The following TGFBRAP1 variants were observed in gnomAD, a reference collection of about 807,000 sequenced individuals.
TGFBRAP1 encodes transforming growth factor beta receptor associated protein 1.
TGFBRAP1 carries 20 observed loss-of-function variants against 83.2 expected under a neutral mutation model. The ratio of observed to expected loss-of-function variants is 0.24; its 90% CI spans 0.17 to 0.35. The LOEUF is 0.35. TGFBRAP1 is among the 10% of genes least tolerant of loss of function. TGFBRAP1 has a pLI of 1.00. For missense variants in TGFBRAP1, 950 were observed against 1,099.4 expected, an observed-to-expected ratio of 0.86 and a Z score of 1.92; for synonymous variants, 415 against 459.8, an observed-to-expected ratio of 0.90 and a Z score of 1.25.
At chr2:105,311,750 C>A (rs149487186) in intron 1 of TGFBRAP1, among the ~76,000 whole-genome samples, 2,800 of 151,098 alleles carry the variant, frequency 0.019, 86 homozygotes, top group African/African-American at 0.064. Context: ...AATACACACA[C>A]AAAAAAAAGT....
chr2:105,260,332 C>T (rs1050163971), downstream of TGFBRAP1, among the ~76,000 whole-genome samples: 1 of 152,162 alleles, frequency 6.6e-6, no homozygotes. Context: ...TCCCTTGAAC[C>T]CGGGAGGCGG....
At chr2:105,295,809 C>CAAAAAA (rs368369527) in intron 4 of TGFBRAP1, among the ~76,000 whole-genome samples, 3 of 74,964 alleles carry the variant, frequency 4.0e-5, no homozygotes, top group African/African-American at 5.4e-5. Flanking sequence ...GACTCCATCT[C>CAAAAAA]AAAAAAAAAA....
intron 4 of TGFBRAP1, among the ~76,000 whole-genome samples, chr2:105,285,582 G>A (rs1471636467): frequency 1.3e-5 from 2 of 152,174 alleles, no homozygotes; most frequent in Admixed American, 1.3e-4. Context: ...ACCCACTGAA[G>A]GTACAACAGA....
At chr2:105,282,437 C>A (rs115930374) in intron 5 of TGFBRAP1, among the ~76,000 whole-genome samples, 3 of 152,090 alleles carry the variant, frequency 2.0e-5, no homozygotes, top group Non-Finnish European at 4.4e-5. Context: ...TCCAGTTCAA[C>A]GAGGAAAAGA....
chr2:105,321,943 C>T (rs922747650), intron 1 of TGFBRAP1, among the ~76,000 whole-genome samples: 4 of 152,146 alleles, frequency 2.6e-5, no homozygotes, highest in Non-Finnish European at 5.9e-5. Flanking sequence ...TATTTTAGAG[C>T]GTACACCTAC....
chr2:105,258,359 T>A, the TGFBRAP1 span, among the ~76,000 whole-genome samples: 2 of 152,148 alleles, frequency 1.3e-5, no homozygotes, highest in Admixed American at 6.5e-5. Context: ...CCAGATGAGA[T>A]TAGCTTTGGG....
At chr2:105,250,571 TC>T in the TGFBRAP1 span, among the ~76,000 whole-genome samples, 2 of 91,202 alleles carry the variant, frequency 2.2e-5, no homozygotes, top group Middle Eastern at 9.6e-3. Flanking sequence ...AGGCTCCTCC[TC>T]TCCCTCTCCC....
intron 1 of TGFBRAP1, among the ~76,000 whole-genome samples, chr2:105,327,685 T>C (rs1214333178): frequency 6.6e-6 from 1 of 152,206 alleles, no homozygotes; most frequent in Non-Finnish European, 1.5e-5. Flanking sequence ...AAATGAAGAA[T>C]GGGCCCTTTA....
chr2:105,286,887 A>AT (rs1677735953), intron 4 of TGFBRAP1, among the ~76,000 whole-genome samples: 1 of 152,240 alleles, frequency 6.6e-6, no homozygotes, highest in African/African-American at 2.4e-5. Flanking sequence ...CAAGTTAAAC[A>AT]TAACACAAGC....
intron 5 of TGFBRAP1, among the ~76,000 whole-genome samples, chr2:105,283,975 A>C (rs1677628572): frequency 6.6e-6 from 1 of 151,824 alleles, no homozygotes; most frequent in South Asian, 2.1e-4. Context: ...AGCAAGAATG[A>C]ACCAAAGCAC....
At chr2:105,264,069 T>C (rs1222060811), downstream of TGFBRAP1, among the ~76,000 whole-genome samples, 2 of 152,174 alleles carry the variant, frequency 1.3e-5, no homozygotes, top group Non-Finnish European at 2.9e-5. Flanking sequence ...AAAGGTACGA[T>C]TTTGTAAGAG....
At chr2:105,322,186 AAAAG>A (rs1233569406) in intron 1 of TGFBRAP1, among the ~76,000 whole-genome samples, 5 of 152,232 alleles carry the variant, frequency 3.3e-5, no homozygotes, top group Admixed American at 6.5e-5. Flanking sequence ...TAAAGAAAAA[AAAAG>A]AAAGAAAAAA....
intron 2 of TGFBRAP1, among the ~76,000 whole-genome samples, chr2:105,304,099 G>C (rs557322843): frequency 6.6e-6 from 1 of 152,238 alleles, no homozygotes. Flanking sequence ...TATGCTAATA[G>C]GGGAAATATG....
At chr2:105,317,391 C>T (rs988033431) in intron 1 of TGFBRAP1, among the ~76,000 whole-genome samples, 2 of 150,618 alleles carry the variant, frequency 1.3e-5, no homozygotes, top group East Asian at 2.0e-4. Flanking sequence ...GAGCCAAGAT[C>T]GTGCCACTGC....
At chr2:105,250,213 C>A in the TGFBRAP1 span, among the ~76,000 whole-genome samples, 2 of 152,144 alleles carry the variant, frequency 1.3e-5, no homozygotes, top group Non-Finnish European at 2.9e-5. Context: ...TTAGATGAGA[C>A]CAGAACTTTA....
At chr2:105,297,589 C>T (rs1678130051) in intron 3 of TGFBRAP1, among the ~76,000 whole-genome samples, 1 of 152,200 alleles carries the variant, frequency 6.6e-6, no homozygotes. Flanking sequence ...CCTTAAGTGG[C>T]AAATGCGATG....
At chr2:105,277,252 T>C (rs1367390975) in intron 7 of TGFBRAP1, among the ~76,000 whole-genome samples, 1 of 152,242 alleles carries the variant, frequency 6.6e-6, no homozygotes, top group African/African-American at 2.4e-5. Context: ...TTGGCAACAG[T>C]GATCATCACT....
At chr2:105,276,986 C>T (rs530474672) in intron 7 of TGFBRAP1, among the ~76,000 whole-genome samples, 11 of 152,256 alleles carry the variant, frequency 7.2e-5, no homozygotes, top group East Asian at 1.9e-4. Flanking sequence ...TAACTAATAA[C>T]GAAGGGGAGA....
chr2:105,251,524 G>T, the TGFBRAP1 span, among the ~76,000 whole-genome samples: 1 of 149,658 alleles, frequency 6.7e-6, no homozygotes, highest in African/African-American at 2.5e-5. Flanking sequence ...AGGTGGGGGG[G>T]GATCAGCCCC....
Sources: gnomAD v4.1 joint callset for allele counts (sites outside exome capture counted in the v4.1 genomes callset) on GRCh38, gnomAD v4.1.1 for gene constraint, MANE v1.5 for transcripts, NCBI Gene and HGNC (gene_info 2026-07-23, HGNC 2026-07-21) for gene names.